The following DNM3 variants were observed in gnomAD, a reference collection of about 807,000 sequenced individuals.
DNM3 encodes dynamin 3.
DNM3 carries 47 observed loss-of-function variants against 101.6 expected under a neutral mutation model. That is an observed-to-expected ratio of 0.46 (90% CI 0.37 to 0.59). The LOEUF (loss-of-function observed/expected upper bound fraction) is 0.59. Ranked by LOEUF, DNM3 falls within the 20% of genes least tolerant of loss-of-function variation. The pLI, the probability that DNM3 is intolerant of heterozygous loss-of-function variation, is 0.00. For missense variants in DNM3, 849 were observed against 1,085.7 expected, an observed-to-expected ratio of 0.78 and a Z score of 3.06; for synonymous variants, 385 against 387.9, an observed-to-expected ratio of 0.99 and a Z score of 0.09.
chr1:172,040,529 G>A (rs960601735), intron 7 of DNM3, among the ~76,000 whole-genome samples: 3 of 151,580 alleles, frequency 2.0e-5, no homozygotes, highest in Non-Finnish European at 4.4e-5. Flanking sequence ...GCCAGTGTAA[G>A]GTAATTCATT....
At chr1:172,005,427 G>C (rs1467686080) in intron 4 of DNM3, among the ~76,000 whole-genome samples, 2 of 152,028 alleles carry the variant, frequency 1.3e-5, no homozygotes, top group Non-Finnish European at 2.9e-5. Flanking sequence ...GTTTTAGGAA[G>C]CATATAGCTG....
chr1:172,194,161 T>C (rs1204343608), intron 14 of DNM3, among the ~76,000 whole-genome samples: 1 of 152,198 alleles, frequency 6.6e-6, no homozygotes, highest in Admixed American at 6.5e-5. Context: ...TTCCATGTAG[T>C]TGAGCGGTTT....
chr1:172,234,771 T>G (rs2061473367), intron 14 of DNM3, among the ~76,000 whole-genome samples: 1 of 152,072 alleles, frequency 6.6e-6, no homozygotes, highest in Non-Finnish European at 1.5e-5. Context: ...ATTTAATAAA[T>G]GGTGCTGGGA....
intron 15 of DNM3, among the ~76,000 whole-genome samples, chr1:172,260,096 A>T (rs560655585): frequency 6.6e-6 from 1 of 152,214 alleles, no homozygotes; most frequent in East Asian, 1.9e-4. Context: ...TTTGCTGGGC[A>T]TAATATTTTT....
chr1:172,154,026 G>A (rs1472807051), intron 14 of DNM3, among the ~76,000 whole-genome samples: 5 of 143,280 alleles, frequency 3.5e-5, no homozygotes, highest in African/African-American at 9.0e-5. Context: ...TCATTCATTC[G>A]TTGCTTGTGA....
chr1:171,872,053 A>G (rs1165507656), intron 1 of DNM3, among the ~76,000 whole-genome samples: 1 of 152,112 alleles, frequency 6.6e-6, no homozygotes, highest in Non-Finnish European at 1.5e-5. Context: ...ATAACCCATC[A>G]GGAAAGGAAT....
chr1:172,045,055 A>G (rs1452782345), intron 9 of DNM3, among the ~76,000 whole-genome samples: 2 of 151,924 alleles, frequency 1.3e-5, no homozygotes, highest in African/African-American at 4.8e-5. Context: ...GGATGACCAA[A>G]GGCAAAGAGG....
At chr1:172,315,487 T>C (rs979113489) in intron 16 of DNM3, among the ~76,000 whole-genome samples, 5 of 152,118 alleles carry the variant, frequency 3.3e-5, no homozygotes, top group African/African-American at 1.2e-4. Flanking sequence ...TTGAAAACTT[T>C]GAAAAAAATT....
At chr1:172,324,163 C>T (rs1051428789) in intron 17 of DNM3, among the ~76,000 whole-genome samples, 11 of 152,064 alleles carry the variant, frequency 7.2e-5, no homozygotes, top group Non-Finnish European at 1.2e-4. Flanking sequence ...TTTAGTTGGG[C>T]GATTTGTTTT....
At position 171,863,022 on chromosome 1, in the gene DNM3, A is replaced by G. The variant is rs116678010; in HGVS notation, c.161+21205A>G. Reference sequence around the variant, plus strand: ...TAACTCTTCTGAGAAGTTGGAAGAGAGTCTAGGGCAAAGGAGGGTGTGCTT... The same window carrying G: ...TAACTCTTCTGAGAAGTTGGAAGAGGGTCTAGGGCAAAGGAGGGTGTGCTT... On this transcript the variant is annotated intron_variant, in intron 1 of 20. Transcript: ENST00000627582. Among the ~76,000 whole-genome samples, 448 of 147,058 alleles carry G rather than the reference A, an allele frequency of 3.0e-3. 4 individuals are homozygous for G. Among genetic ancestry groups the G allele is most frequent in the African/African-American group, 0.01 (410 of 39,428 alleles).
intron 4 of DNM3, among the ~76,000 whole-genome samples, chr1:172,031,892 G>A (rs1449630087): frequency 6.6e-6 from 1 of 152,044 alleles, no homozygotes; most frequent in Non-Finnish European, 1.5e-5. Flanking sequence ...TTTATTTTTG[G>A]TGATGGCACT....
chr1:172,235,511 A>G (rs2061504909), intron 14 of DNM3, among the ~76,000 whole-genome samples: 1 of 152,208 alleles, frequency 6.6e-6, no homozygotes, highest in South Asian at 2.1e-4. Context: ...TACCCAAAGG[A>G]TTATAAGTCA....
intron 14 of DNM3, among the ~76,000 whole-genome samples, chr1:172,162,319 T>C (rs2058574269): frequency 6.6e-6 from 1 of 152,086 alleles, no homozygotes; most frequent in Non-Finnish European, 1.5e-5. Flanking sequence ...CCTTAGAGAA[T>C]GCATGATTTA....
At chr1:172,268,934 G>A (rs2062976307) in intron 15 of DNM3, among the ~76,000 whole-genome samples, 1 of 152,154 alleles carries the variant, frequency 6.6e-6, no homozygotes, top group Non-Finnish European at 1.5e-5. Context: ...TAAAACACCT[G>A]TGTGAAGTCT....
chr1:172,162,379 C>T (rs77792433), intron 14 of DNM3, among the ~76,000 whole-genome samples: 5 of 152,064 alleles, frequency 3.3e-5, no homozygotes, highest in Non-Finnish European at 5.9e-5. Flanking sequence ...ATAAGGGCTG[C>T]TTTCCAAACA....
Position 171,855,687 on chromosome 1 carries a change from C to T in DNM3, c.161+13870C>T, listed in dbSNP as rs547468561. 2.0e-5 allele frequency among the ~76,000 whole-genome samples: 3 copies of T among 152,090 alleles called. 1 individual carries two copies. The highest frequency in any genetic ancestry group is 7.2e-5 in the African/African-American group (3 of 41,504). ...ATATCCCTGTTGGCCATCTGTATGT[C>T]TTCTTTTGAAAAATGTCTGTTCATG... On this transcript the variant is annotated intron_variant, in intron 1 of 20. Coordinates refer to ENST00000627582, the MANE Select transcript of DNM3 (RefSeq NM_015569.5).
intron 16 of DNM3, among the ~76,000 whole-genome samples, chr1:172,318,291 G>A (rs1573447104): frequency 6.6e-6 from 1 of 151,658 alleles, no homozygotes; most frequent in Admixed American, 6.6e-5. Context: ...TACTGAATGG[G>A]CAAAAACTGG....
intron 12 of DNM3, 35 bp downstream of exon 12, chr1:172,081,937 C>T (rs772247934): frequency 3.8e-6 from 6 of 1,594,618 alleles, no homozygotes; most frequent in Non-Finnish European, 5.2e-6. Context: ...ATGCATTCCT[C>T]CTGTTGATTT....
chr1:172,274,919 C>T (rs2063222626), intron 15 of DNM3, among the ~76,000 whole-genome samples: 1 of 151,908 alleles, frequency 6.6e-6, no homozygotes. Flanking sequence ...CAAATTGCTA[C>T]AAGGGCTTCC....
Sources: allele counts gnomAD v4.1 joint callset (sites outside exome capture counted in the v4.1 genomes callset), GRCh38; gene constraint gnomAD v4.1.1; transcripts MANE v1.5; gene names NCBI Gene and HGNC (gene_info 2026-07-23, HGNC 2026-07-21).